The following DYNLT1 variants were observed in gnomAD, a reference collection of about 807,000 sequenced individuals.
The protein encoded by DYNLT1 is dynein light chain Tctex-type 1, also known as T-complex testis-specific protein 1 homolog.
In DYNLT1, 18 loss-of-function variants were observed where a neutral mutation model predicts 19.6. The ratio of observed to expected loss-of-function variants is 0.92; its 90% CI spans 0.64 to 1.36. The LOEUF (loss-of-function observed/expected upper bound fraction) is 1.36, where lower values mean the gene tolerates loss of function less well. DYNLT1 is among the 40% of genes most tolerant of loss of function. DYNLT1 has a pLI of 0.00. For synonymous variants in DYNLT1, 56 were observed against 44.0 expected (o/e 1.27, Z -1.07); for missense variants, 137 against 139.3 (o/e 0.98, Z 0.08).
chr6:158,637,753 G>A lies in DYNLT1; in HGVS notation c.193+18C>T, dbSNP rs1787045373. ...AAAAAACCATCCCGCAAATATAAAA[G>A]AAACAAGACTCCATTACCGATGTAT... On this transcript the variant is annotated intron_variant, in intron 3 of 4. Coordinates refer to ENST00000367089, the MANE Select transcript of DYNLT1 (RefSeq NM_006519.4). 1 of 1,613,988 alleles carries A rather than the reference G, an allele frequency of 6.2e-7. No homozygotes were observed. Among genetic ancestry groups the A allele is most frequent in the African/African-American group, 1.3e-5 (1 of 74,890 alleles).
At chr6:158,640,537 A>C (rs1787113728) in intron 2 of DYNLT1, among the ~76,000 whole-genome samples, 1 of 150,168 alleles carries the variant, frequency 6.7e-6, no homozygotes, top group African/African-American at 2.5e-5. Context: ...ACCTCCTTTC[A>C]CTCCCTCACA....
At chr6:158,643,174 G>T (rs558744768) in intron 1 of DYNLT1, among the ~76,000 whole-genome samples, 1 of 152,206 alleles carries the variant, frequency 6.6e-6, no homozygotes, top group South Asian at 2.1e-4. Flanking sequence ...AGTATTAAGC[G>T]CTTTCCTTTA....
intron 2 of DYNLT1, among the ~76,000 whole-genome samples, chr6:158,638,138 CACT>C (rs752499794): frequency 6.6e-6 from 1 of 152,102 alleles, no homozygotes; most frequent in African/African-American, 2.4e-5. Context: ...ATTTCATGTT[CACT>C]ACTATTAATA....
intron 3 of DYNLT1, 37 bp from the exon 4 acceptor site, chr6:158,637,242 TG>T: frequency 6.3e-7 from 1 of 1,583,294 alleles, no homozygotes; most frequent in Non-Finnish European, 8.7e-7. Flanking sequence ...AGAAGTCTAC[TG>T]GGTAACACAA....
intron 4 of DYNLT1, 39 bp downstream of exon 4, chr6:158,637,089 C>G: frequency 2.5e-6 from 4 of 1,612,312 alleles, no homozygotes; most frequent in Non-Finnish European, 3.4e-6. Flanking sequence ...TCATATATTT[C>G]ACACAACAAA....
chr6:158,644,612 G>T, intron 1 of DYNLT1, 70 bp downstream of exon 1: 3 of 1,590,600 alleles, frequency 1.9e-6, no homozygotes, highest in South Asian at 1.1e-5. Flanking sequence ...GCCTTTCCGG[G>T]CAGGACCGCG....
chr6:158,636,672 C>G lies in DYNLT1; in HGVS notation c.*155G>C. Reference sequence around the variant, plus strand: ...AGGGATACTCATCTGACTTCGGTGCCATTCACATCACAGTGCGGTCATTTG... The same window carrying G: ...AGGGATACTCATCTGACTTCGGTGCGATTCACATCACAGTGCGGTCATTTG... On this transcript the variant is annotated 3_prime_UTR_variant, in exon 5 of 5. Transcript: ENST00000367089. 1 of 771,066 alleles carries G rather than the reference C, an allele frequency of 1.3e-6. No individual in the cohort carries two copies. Among genetic ancestry groups the G allele is most frequent in the Non-Finnish European group, 2.1e-6 (1 of 486,326 alleles). The allele number at this position is 771,066 out of a possible 1,614,324, so 47.8% of individuals were successfully genotyped here.
rs1229720875 is a variant in DYNLT1 at position 158,636,504 on chromosome 6, G to T, written c.*323C>A. On this transcript the variant is annotated 3_prime_UTR_variant, in exon 5 of 5. Coordinates refer to ENST00000367089, the MANE Select transcript of DYNLT1 (RefSeq NM_006519.4). ...ATTTGAATAATTTATTCTAACAAAA[G>T]TATAAAGTATGGAAAATTAGTGTAT... 3.4e-6 allele frequency: 1 copy of T among 291,628 alleles called. No individual in the cohort carries two copies. Among genetic ancestry groups the T allele is most frequent in the Non-Finnish European group, 6.7e-6 (1 of 149,508 alleles). 18.1% of individuals were successfully genotyped at this position (291,628 alleles called of 1,614,324 possible).
At chr6:158,641,543 A>C in intron 1 of DYNLT1, 183 bp from the exon 2 acceptor site, 1 of 439,190 alleles carries the variant, frequency 2.3e-6, no homozygotes, top group Non-Finnish European at 4.1e-6. Context: ...ACTAGAATAC[A>C]TGCACATAAT....
intron 4 of DYNLT1, 61 bp downstream of exon 4, chr6:158,637,067 G>C (rs761351502): frequency 1.9e-6 from 3 of 1,602,020 alleles, no homozygotes. Flanking sequence ...TTCAAAGATA[G>C]GAAACTTCCA....
chr6:158,637,889 T>C lies in DYNLT1; in HGVS notation c.75A>G (p.Ile25Met), dbSNP rs778533397. Reference protein sequence around the residue: ...DEVSNIVKEAIESAIGGNAYQ... With the variant: ...DEVSNIVKEAMESAIGGNAYQ... ...AAGCGTTACCACCAATTGCGCTTTC[T>C]ATAGCCTAGAAAACAAAGCACAAAG... The change falls in exon 3 of 5, where the codon ATA becomes ATG. Residue 25 changes from isoleucine to methionine, a missense_variant. By Grantham distance (10) the Ile-to-Met change is conservative. Transcript: ENST00000367089. The C allele has an allele frequency of 5.0e-6, 8 of 1,602,638 alleles. No homozygotes were observed. The East Asian group carries it at 1.3e-4, about 27-fold the overall frequency.
At chr6:158,638,179 G>A (rs145122078) in intron 2 of DYNLT1, among the ~76,000 whole-genome samples, 118 of 152,104 alleles carry the variant, frequency 7.8e-4, no homozygotes, top group African/African-American at 2.7e-3. Flanking sequence ...AGGCTAGAAA[G>A]TATTTTGCCT....
intron 2 of DYNLT1, among the ~76,000 whole-genome samples, chr6:158,640,154 G>A (rs924191734): frequency 2.6e-5 from 4 of 152,076 alleles, no homozygotes; most frequent in Non-Finnish European, 5.9e-5. Context: ...GTGAAACTGT[G>A]TATTTAGAAA....
chr6:158,640,765 T>A (rs945251393), intron 2 of DYNLT1, among the ~76,000 whole-genome samples: 1 of 152,230 alleles, frequency 6.6e-6, no homozygotes, highest in Admixed American at 6.5e-5. Flanking sequence ...CTGTTTGATG[T>A]GTCTGCCCTG....
chr6:158,638,326 A>G (rs751482395), intron 2 of DYNLT1, among the ~76,000 whole-genome samples: 1 of 152,256 alleles, frequency 6.6e-6, no homozygotes, highest in Non-Finnish European at 1.5e-5. Flanking sequence ...AAATACTTTT[A>G]TCCAGCATTG....
chr6:158,644,613 C>T, intron 1 of DYNLT1, 69 bp downstream of exon 1: 3 of 1,593,404 alleles, frequency 1.9e-6, no homozygotes, highest in Non-Finnish European at 2.6e-6. Flanking sequence ...CCTTTCCGGG[C>T]AGGACCGCGT....
intron 2 of DYNLT1, among the ~76,000 whole-genome samples, chr6:158,639,001 A>G (rs1787080965): frequency 6.6e-6 from 1 of 152,180 alleles, no homozygotes; most frequent in Non-Finnish European, 1.5e-5. Flanking sequence ...AGTTTCTATG[A>G]CAGTTATGAC....
Position 158,636,560 on chromosome 6 carries a change from C to A in DYNLT1, c.*267G>T. 2.4e-6 allele frequency: 1 copy of A among 412,166 alleles called. No homozygotes were observed. Among genetic ancestry groups the A allele is most frequent in the Non-Finnish European group, 4.5e-6 (1 of 223,648 alleles). The allele number at this position is 412,166 out of a possible 1,614,324, so 25.5% of individuals were successfully genotyped here. ...TCATTTCAGAGAGTAGAGCAAGTTT[C>A]ACACTAGCAGATTTCAGATTTTAGC... On this transcript the variant is annotated 3_prime_UTR_variant, in exon 5 of 5. Coordinates refer to ENST00000367089, the MANE Select transcript of DYNLT1 (RefSeq NM_006519.4).
In DYNLT1 at chr6:158,637,213, T is replaced by TAAAAC. The variant is rs746645634; in HGVS notation, c.194-13_194-9dup. Reference sequence around the variant, plus strand: ...GCATAATTACACAGGTCACTTAAGTTAAAACAAATTTTTGTTAGAGAAGTC... The same window carrying TAAAAC: ...GCATAATTACACAGGTCACTTAAGTTAAAACAAAACAAATTTTTGTTAGAGAAGTC... On this transcript the variant is annotated splice_polypyrimidine_tract_variant and intron_variant, in intron 3 of 4. Coordinates refer to ENST00000367089, the MANE Select transcript of DYNLT1 (RefSeq NM_006519.4). 1 of 1,612,440 alleles carries TAAAAC rather than the reference T, an allele frequency of 6.2e-7. No individual in the cohort carries two copies. Among genetic ancestry groups the TAAAAC allele is most frequent in the African/African-American group, 1.3e-5 (1 of 74,824 alleles).
Sources: gnomAD v4.1 joint callset for allele counts (sites outside exome capture counted in the v4.1 genomes callset) on GRCh38, gnomAD v4.1.1 for gene constraint, MANE v1.5 for transcripts, NCBI Gene and HGNC (gene_info 2026-07-23, HGNC 2026-07-21) for gene names.